LPAR1: variants seen among roughly 807,000 people sequenced by gnomAD.
The protein encoded by LPAR1 is LPA receptor 1.
LPAR1 carries 5 observed loss-of-function variants against 23.8 expected under a neutral mutation model. That is an observed-to-expected ratio of 0.21 (90% CI 0.11 to 0.44). The LOEUF (loss-of-function observed/expected upper bound fraction) is 0.44. Ranked by LOEUF, LPAR1 falls within the 20% of genes least tolerant of loss-of-function variation. The pLI is 0.99. For synonymous variants in LPAR1, 160 were observed against 164.7 expected (o/e 0.97, Z 0.22); for missense variants, 311 against 482.8 (o/e 0.64, Z 3.33).
At chr9:110,896,733 G>C (rs2086467799) in intron 5 of LPAR1, among the ~76,000 whole-genome samples, 1 of 151,974 alleles carries the variant, frequency 6.6e-6, no homozygotes, top group African/African-American at 2.4e-5. Context: ...CTTAAAATTT[G>C]GGAGGGGGTG....
At chr9:110,963,488 A>G (rs1250927018) in intron 4 of LPAR1, among the ~76,000 whole-genome samples, 1 of 152,108 alleles carries the variant, frequency 6.6e-6, no homozygotes, top group Non-Finnish European at 1.5e-5. Flanking sequence ...CTGGCATACC[A>G]CATACACAGA....
intron 2 of LPAR1, among the ~76,000 whole-genome samples, chr9:111,017,822 C>T (rs1270245177): frequency 6.6e-6 from 1 of 152,066 alleles, no homozygotes; most frequent in Non-Finnish European, 1.5e-5. Context: ...GAGATTGAGA[C>T]CATCCTGGCC....
chr9:110,988,802 G>T lies in LPAR1; in HGVS notation c.-181-15244C>A, dbSNP rs118121200. 6.9e-3 allele frequency among the ~76,000 whole-genome samples: 1,048 copies of T among 152,082 alleles called. 6 individuals carry two copies. Among genetic ancestry groups the T allele is most frequent in the Admixed American group, 0.011 (165 of 15,260 alleles). ...TCCTAAGTATATGCCCAAAAGAACTGAAAATATATATCCACACAAAAACTT... is the reference window on the plus strand; with the variant it reads ...TCCTAAGTATATGCCCAAAAGAACTTAAAATATATATCCACACAAAAACTT... On this transcript the variant is annotated intron_variant, in intron 2 of 5. Coordinates refer to ENST00000683809, the MANE Select transcript of LPAR1 (RefSeq NM_001351411.2).
rs558358111 is a variant in LPAR1, at chr9:110,877,785, T to C, written c.794-2063A>G. On this transcript the variant is annotated intron_variant, in intron 5 of 5. Coordinates refer to ENST00000683809, the MANE Select transcript of LPAR1 (RefSeq NM_001351411.2). ...TAGACACAAGGAACATGCATCTCAA[T>C]AGCTAGATTTTAAATAAAATGATCT... Among the ~76,000 whole-genome samples the C allele has an allele frequency of 6.6e-5, 10 of 152,314 alleles. No individual in the cohort carries two copies. In the South Asian group the frequency reaches 1.5e-3, roughly 22 times the overall value.
At chr9:110,974,926 C>T (rs1449885929) in intron 2 of LPAR1, among the ~76,000 whole-genome samples, 2 of 152,168 alleles carry the variant, frequency 1.3e-5, no homozygotes, top group African/African-American at 2.4e-5. Flanking sequence ...CTCCTACTTT[C>T]ATTTTTCCTT....
At chr9:110,877,966 G>A (rs573981994) in intron 5 of LPAR1, among the ~76,000 whole-genome samples, 3 of 152,202 alleles carry the variant, frequency 2.0e-5, no homozygotes, top group South Asian at 4.1e-4. Flanking sequence ...TTTCCAGAAA[G>A]AGCCCATAAG....
chr9:110,896,890 C>A (rs968878281), intron 5 of LPAR1, among the ~76,000 whole-genome samples: 1 of 149,902 alleles, frequency 6.7e-6, no homozygotes, highest in African/African-American at 2.5e-5. Context: ...CAGGTTCATG[C>A]CATTCTCCTG....
chr9:111,037,484 C>T (rs191885866), intron 1 of LPAR1, among the ~76,000 whole-genome samples: 1 of 152,364 alleles, frequency 6.6e-6, no homozygotes, highest in Admixed American at 6.5e-5. Context: ...CCATTCACCA[C>T]AAAGGAGTCC....
At chr9:110,885,834 G>C (rs922754710) in intron 5 of LPAR1, among the ~76,000 whole-genome samples, 5 of 152,092 alleles carry the variant, frequency 3.3e-5, no homozygotes, top group African/African-American at 9.7e-5. Flanking sequence ...AGGCTGAGGC[G>C]GATGGATCAC....
chr9:110,880,733 C>G (rs1174354214), intron 5 of LPAR1, among the ~76,000 whole-genome samples: 1 of 152,152 alleles, frequency 6.6e-6, no homozygotes, highest in Non-Finnish European at 1.5e-5. Flanking sequence ...CAGAGACCTG[C>G]GGTGGGAATC....
At chr9:110,916,130 T>C (rs2093063150) in intron 5 of LPAR1, among the ~76,000 whole-genome samples, 1 of 152,236 alleles carries the variant, frequency 6.6e-6, no homozygotes, top group Admixed American at 6.5e-5. Flanking sequence ...CAATAGCCAG[T>C]ATCTACTGAG....
chr9:111,003,385 A>T (rs1169035319), intron 2 of LPAR1, among the ~76,000 whole-genome samples: 1 of 152,114 alleles, frequency 6.6e-6, no homozygotes, highest in Non-Finnish European at 1.5e-5. Context: ...AAAAGCCCGC[A>T]AGAGTGAGAC....
At chr9:110,986,252 C>T (rs868493056) in intron 2 of LPAR1, among the ~76,000 whole-genome samples, 2 of 152,126 alleles carry the variant, frequency 1.3e-5, no homozygotes, top group Middle Eastern at 3.4e-3. Flanking sequence ...CTACTGAGGG[C>T]GCCACTGTGC....
At chr9:111,002,885 T>A (rs745542757) in intron 2 of LPAR1, among the ~76,000 whole-genome samples, 33 of 152,264 alleles carry the variant, frequency 2.2e-4, no homozygotes, top group Admixed American at 4.6e-4. Flanking sequence ...ACACTTGTAA[T>A]CCCGGCAGTC....
chr9:110,886,407 T>A (rs1166928321), intron 5 of LPAR1, among the ~76,000 whole-genome samples: 18 of 78,106 alleles, frequency 2.3e-4, no homozygotes, highest in South Asian at 1.3e-3. Flanking sequence ...TTATTACCCA[T>A]CAATAACCAA....
intron 5 of LPAR1, among the ~76,000 whole-genome samples, chr9:110,922,089 G>A (rs2093669164): frequency 6.6e-6 from 1 of 152,124 alleles, no homozygotes; most frequent in Admixed American, 6.5e-5. Context: ...ATAAAAGTAG[G>A]AACTGGGGAA....
chr9:110,966,290 C>T (rs1294958749), intron 4 of LPAR1, among the ~76,000 whole-genome samples: 1 of 151,982 alleles, frequency 6.6e-6, no homozygotes, highest in Non-Finnish European at 1.5e-5. Flanking sequence ...ACCAGCCTGG[C>T]CAACATAGTG....
At chr9:111,009,220 A>G (rs2097278257) in intron 2 of LPAR1, among the ~76,000 whole-genome samples, 1 of 152,208 alleles carries the variant, frequency 6.6e-6, no homozygotes, top group South Asian at 2.1e-4. Flanking sequence ...ATAAAAACAC[A>G]GTATTTCAAA....
intron 2 of LPAR1, among the ~76,000 whole-genome samples, chr9:111,019,059 G>C (rs994630814): frequency 6.6e-6 from 1 of 152,044 alleles, no homozygotes; most frequent in Admixed American, 6.5e-5. Context: ...ATAGAAATAG[G>C]CCATAAAACT....
Sources: gnomAD v4.1 joint callset for allele counts (sites outside exome capture counted in the v4.1 genomes callset) on GRCh38, gnomAD v4.1.1 for gene constraint, MANE v1.5 for transcripts, NCBI Gene and HGNC (gene_info 2026-07-23, HGNC 2026-07-21) for gene names.